The following REEP1 variants were observed in gnomAD, a reference collection of about 807,000 sequenced individuals.
REEP1 encodes the protein receptor accessory protein 1.
Under a neutral mutation model 40.3 loss-of-function variants are expected in REEP1, and 22 were observed. The observed-to-expected ratio is 0.55, with a 90% CI of 0.39 to 0.78. REEP1 has a LOEUF of 0.78. Ranked by LOEUF, REEP1 falls within the 30% of genes least tolerant of loss-of-function variation. The pLI is 0.00. For synonymous variants in REEP1, 116 were observed against 139.2 expected (o/e 0.83, Z 1.17); for missense variants, 280 against 361.1 (o/e 0.78, Z 1.82).
At chr2:86,282,316 G>T in intron 1 of REEP1, 74 bp from the exon 2 acceptor site, 2 of 1,125,014 alleles carry the variant, frequency 1.8e-6, no homozygotes, top group Non-Finnish European at 2.7e-6. Flanking sequence ...TGTCTTCAAT[G>T]CCAAGAGCAA....
Position 86,228,705 on chromosome 2 carries a change from G to A in REEP1, c.596-1307C>T, listed in dbSNP as rs182719128. On this transcript the variant is annotated intron_variant, in intron 6 of 8. Transcript: ENST00000538924. Reference sequence around the variant, plus strand: ...ACTCTCTACCTCAGGTGATCCACCCGCCTTGGCCTCCCAAAGTGCTGGGAT... The same window carrying A: ...ACTCTCTACCTCAGGTGATCCACCCACCTTGGCCTCCCAAAGTGCTGGGAT... 2.2e-3 allele frequency among the ~76,000 whole-genome samples: 340 copies of A among 152,168 alleles called. 3 individuals are homozygous for A. The highest frequency in any genetic ancestry group is 7.7e-3 in the African/African-American group (319 of 41,496).
chr2:86,236,739 T>A (rs1017349435), intron 5 of REEP1, among the ~76,000 whole-genome samples: 4 of 65,972 alleles, frequency 6.1e-5, no homozygotes, highest in African/African-American at 1.1e-4. Flanking sequence ...TTTTCATCAA[T>A]TTTTTTTTTT....
chr2:86,221,366 C>G (rs1219427581), intron 7 of REEP1, among the ~76,000 whole-genome samples: 1 of 152,194 alleles, frequency 6.6e-6, no homozygotes, highest in East Asian at 1.9e-4. Context: ...GTCCTGAGAT[C>G]ACTGATGTTC....
chr2:86,304,713 C>A (rs1279500332), intron 1 of REEP1, among the ~76,000 whole-genome samples: 2 of 152,200 alleles, frequency 1.3e-5, no homozygotes, highest in African/African-American at 4.8e-5. Flanking sequence ...GTTATAAAGA[C>A]CACCCACCTT....
intron 7 of REEP1, among the ~76,000 whole-genome samples, chr2:86,222,011 C>T (rs1292581119): frequency 6.6e-6 from 1 of 152,152 alleles, no homozygotes; most frequent in East Asian, 1.9e-4. Context: ...ATGCTGTACC[C>T]TCCACATCCA....
intron 1 of REEP1, among the ~76,000 whole-genome samples, chr2:86,330,024 C>T (rs763457377): frequency 3.3e-4 from 50 of 152,110 alleles, no homozygotes; most frequent in Non-Finnish European, 6.5e-4. Context: ...AGGGCACCTT[C>T]CAAGGCTTTA....
rs1553455526 is a variant in REEP1, at chr2:86,214,988, G to GC, written c.*2050dup. The GC allele has an allele frequency of 3.4e-5, 3 of 89,090 alleles. No individual in the cohort carries two copies. The highest frequency in any genetic ancestry group is 4.2e-4 in the South Asian group (1 of 2,394). The allele number at this position is 89,090 out of a possible 1,614,324, so 5.5% of individuals were successfully genotyped here. A position where few individuals can be genotyped will look rare whatever the true frequency, so the allele number is the denominator to read the frequency against. ...CTGCTAAAGGCAATTTATTGTTTCGGCAAAAAAAAAAAAATTGCTAAGAAG... is the reference window on the plus strand; with the variant it reads ...CTGCTAAAGGCAATTTATTGTTTCGGCCAAAAAAAAAAAAATTGCTAAGAAG... On this transcript the variant is annotated 3_prime_UTR_variant, in exon 9 of 9. Transcript: ENST00000538924.
In REEP1 at chr2:86,214,746, T is replaced by G. The variant is rs1048730209; in HGVS notation, c.*2293A>C. The G allele has an allele frequency of 1.3e-5, 2 of 152,622 alleles. No individual in the cohort carries two copies. Among genetic ancestry groups the G allele is most frequent in the African/African-American group, 2.4e-5 (1 of 41,446 alleles). The allele number at this position is 152,622 out of a possible 1,614,324, so 9.5% of individuals were successfully genotyped here. ...GAGAAACCGACTCCCTAGTCAACAC[T>G]TGAAGGAAAAATAGTTACATTTACA... is the stretch of plus-strand genomic sequence containing the variant. On this transcript the variant is annotated 3_prime_UTR_variant, in exon 9 of 9. Coordinates refer to ENST00000538924, the MANE Select transcript of REEP1 (RefSeq NM_001371279.1).
intron 3 of REEP1, among the ~76,000 whole-genome samples, chr2:86,257,561 C>T (rs901555713): frequency 9.2e-5 from 14 of 152,132 alleles, no homozygotes; most frequent in Non-Finnish European, 1.9e-4. Flanking sequence ...CTTGCTTCTC[C>T]CAGCACATAC....
At chr2:86,260,536 G>A (rs1358830014) in intron 3 of REEP1, among the ~76,000 whole-genome samples, 1 of 152,176 alleles carries the variant, frequency 6.6e-6, no homozygotes, top group Non-Finnish European at 1.5e-5. Flanking sequence ...GATTATTGGG[G>A]TAGGCCTAAT....
At chr2:86,223,103 C>T (rs139467848) in intron 7 of REEP1, among the ~76,000 whole-genome samples, 115 of 152,336 alleles carry the variant, frequency 7.5e-4, no homozygotes, top group African/African-American at 2.4e-3. Context: ...CGGCCTTGAG[C>T]CTGCAGAGCT....
intron 1 of REEP1, among the ~76,000 whole-genome samples, chr2:86,298,639 C>T (rs1679109516): frequency 6.6e-6 from 1 of 152,246 alleles, no homozygotes; most frequent in South Asian, 2.1e-4. Flanking sequence ...TGAGCATGAA[C>T]TGGGCCCTCT....
rs1573081317 is a variant in REEP1 at position 86,337,592 on chromosome 2, A to G, written c.-82T>C. 3 of 1,165,044 alleles carry G rather than the reference A, an allele frequency of 2.6e-6. No homozygotes were observed. The highest frequency in any genetic ancestry group is 4.0e-5 in the East Asian group (1 of 24,904). The allele number at this position is 1,165,044 out of a possible 1,614,324, so 72.2% of individuals were successfully genotyped here. The stretch of plus-strand genomic sequence containing the variant: ...GCGCGGGCTGCTGCGGCGTTCCCGG[A>G]ACGTCAGTCAGCTCACGGCAGCCGC... On this transcript the variant is annotated 5_prime_UTR_variant, in exon 1 of 9. Transcript: ENST00000538924. The surrounding 1 kb of genome is among the most constrained non-coding windows in gnomAD (Gnocchi z 5.8).
At chr2:86,266,644 TAAAAATAAA>T (rs1677152847) in intron 2 of REEP1, among the ~76,000 whole-genome samples, 4 of 148,160 alleles carry the variant, frequency 2.7e-5, no homozygotes, top group South Asian at 2.1e-4. Flanking sequence ...AAAATAAAAA[TAAAAATAAA>T]AAAAATAAAA....
chr2:86,282,905 C>T (rs987731537), intron 1 of REEP1, among the ~76,000 whole-genome samples: 2 of 152,176 alleles, frequency 1.3e-5, no homozygotes, highest in African/African-American at 4.8e-5. Context: ...CCTCTCAGGA[C>T]CTGAACGGCA....
intron 1 of REEP1, among the ~76,000 whole-genome samples, chr2:86,283,790 C>A (rs1366659564): frequency 6.6e-6 from 1 of 152,172 alleles, no homozygotes; most frequent in Non-Finnish European, 1.5e-5. Flanking sequence ...CTCCAATGCA[C>A]GGAGCAGCCA....
chr2:86,297,067 C>A (rs781258324), intron 1 of REEP1, among the ~76,000 whole-genome samples: 2 of 152,194 alleles, frequency 1.3e-5, no homozygotes, highest in Non-Finnish European at 2.9e-5. Flanking sequence ...CCCAGAGCCC[C>A]TTGCTGAGGG....
chr2:86,315,306 A>C (rs1482828480), intron 1 of REEP1, among the ~76,000 whole-genome samples: 1 of 152,180 alleles, frequency 6.6e-6, no homozygotes, highest in Non-Finnish European at 1.5e-5. Flanking sequence ...GTCCGGGGCC[A>C]GATAGTGTTG....
At chr2:86,303,757 AGGTAG>A (rs1679361436) in intron 1 of REEP1, among the ~76,000 whole-genome samples, 1 of 152,162 alleles carries the variant, frequency 6.6e-6, no homozygotes, top group Non-Finnish European at 1.5e-5. Flanking sequence ...TTCTGGAAGA[AGGTAG>A]GGTAGGGGAG....
Sources: allele counts gnomAD v4.1 joint callset (sites outside exome capture counted in the v4.1 genomes callset), GRCh38; gene constraint gnomAD v4.1.1; non-coding constraint Gnocchi (gnomAD v3.1); transcripts MANE v1.5; gene names NCBI Gene and HGNC (gene_info 2026-07-23, HGNC 2026-07-21).